Variants in GPC5 observed in about 807,000 individuals in gnomAD.
GPC5 encodes glypican-5.
A neutral mutation model predicts 53.9 loss-of-function variants in GPC5; 47 were observed. The observed-to-expected ratio is 0.87, with a 90% CI of 0.69 to 1.11. The LOEUF (loss-of-function observed/expected upper bound fraction) is 1.11. Among genes scored for constraint, GPC5 ranks in the 50% most tolerant of loss-of-function variants. GPC5 has a pLI of 0.00. For synonymous variants in GPC5, 286 were observed against 263.3 expected, an observed-to-expected ratio of 1.09 and a Z score of -0.84; for missense variants, 748 against 713.1, an observed-to-expected ratio of 1.05 and a Z score of -0.56.
intron 7 of GPC5, among the ~76,000 whole-genome samples, chr13:92,205,640 T>A (rs1323819408): frequency 6.6e-6 from 1 of 152,190 alleles, no homozygotes. Context: ...AACATCACAT[T>A]TGTCTAGACA....
intron 7 of GPC5, among the ~76,000 whole-genome samples, chr13:92,389,031 A>C (rs150838437): frequency 6.6e-6 from 1 of 152,242 alleles, no homozygotes; most frequent in Non-Finnish European, 1.5e-5. Flanking sequence ...GATGGAAAGC[A>C]GCCAGACACT....
rs866978597 is a variant in GPC5, at chr13:91,704,937, A to T, written c.1020+11056A>T. 3.0e-4 allele frequency among the ~76,000 whole-genome samples: 46 copies of T among 152,286 alleles called. 1 individual carries two copies. Among genetic ancestry groups the T allele is most frequent in the Middle Eastern group, 3.4e-3 (1 of 294 alleles). ...CCACTGATCCTCTTTCTCTTTAATA[A>T]AACTTTGCATTATTTGACCTTGGAG... is the stretch of plus-strand genomic sequence containing the variant. On this transcript the variant is annotated intron_variant, in intron 3 of 7. Coordinates refer to ENST00000377067, the MANE Select transcript of GPC5 (RefSeq NM_004466.6).
At chr13:91,776,620 A>T (rs2037715195) in intron 5 of GPC5, among the ~76,000 whole-genome samples, 1 of 152,164 alleles carries the variant, frequency 6.6e-6, no homozygotes. Flanking sequence ...CAGAGCAAAA[A>T]CTGGAAATCT....
At chr13:92,605,029 T>C (rs1399776638) in intron 7 of GPC5, among the ~76,000 whole-genome samples, 1 of 152,196 alleles carries the variant, frequency 6.6e-6, no homozygotes, top group Non-Finnish European at 1.5e-5. Context: ...CCATTACATC[T>C]CCCAGACGAA....
At chr13:92,301,173 T>C (rs969403262) in intron 7 of GPC5, among the ~76,000 whole-genome samples, 6 of 152,220 alleles carry the variant, frequency 3.9e-5, no homozygotes, top group African/African-American at 1.4e-4. Flanking sequence ...ATATAGGTTC[T>C]TTTATAGATA....
intron 5 of GPC5, among the ~76,000 whole-genome samples, chr13:91,832,728 G>C (rs2038676651): frequency 6.6e-6 from 1 of 152,086 alleles, no homozygotes; most frequent in Non-Finnish European, 1.5e-5. Flanking sequence ...GAATCTCTGG[G>C]ACACATTTGG....
chr13:91,860,278 A>T (rs546346698), intron 5 of GPC5, among the ~76,000 whole-genome samples: 175 of 152,174 alleles, frequency 1.1e-3, no homozygotes, highest in Admixed American at 2.1e-3. Flanking sequence ...CTTCTATAAG[A>T]TCAAAATATT....
rs115456270 is a variant in GPC5, at chr13:92,583,410, A to G, written c.1562-282872A>G. Among the ~76,000 whole-genome samples the G allele has an allele frequency of 4.2e-3, 636 of 152,360 alleles. 7 individuals carry two copies. Among genetic ancestry groups the G allele is most frequent in the African/African-American group, 0.015 (616 of 41,590 alleles). ...TTCCTACTCTGTCAGTCAGTTTACC[A>G]TCAGAAAGCAGCTATCACAAACAAA... On this transcript the variant is annotated intron_variant, in intron 7 of 7. Transcript: ENST00000377067.
chr13:91,626,797 C>A (rs1421272275), intron 2 of GPC5, among the ~76,000 whole-genome samples: 3 of 151,966 alleles, frequency 2.0e-5, no homozygotes, highest in African/African-American at 7.2e-5. Context: ...TTAGGTATAT[C>A]TCCTAATGCT....
chr13:92,250,091 T>G (rs1340588209), intron 7 of GPC5, among the ~76,000 whole-genome samples: 1 of 152,086 alleles, frequency 6.6e-6, no homozygotes, highest in Admixed American at 6.6e-5. Context: ...CAACTAGTAA[T>G]CAGATTATGA....
intron 6 of GPC5, among the ~76,000 whole-genome samples, chr13:92,091,510 T>C (rs1489249946): frequency 6.6e-6 from 1 of 152,044 alleles, no homozygotes; most frequent in Non-Finnish European, 1.5e-5. Context: ...GCATTTATTA[T>C]ACCATTTTAA....
At chr13:92,328,830 A>T (rs898191878) in intron 7 of GPC5, among the ~76,000 whole-genome samples, 1 of 152,102 alleles carries the variant, frequency 6.6e-6, no homozygotes, top group African/African-American at 2.4e-5. Context: ...GTTTGGGGCT[A>T]GTTGTTTTCA....
chr13:91,717,918 T>C (rs1326647369), intron 3 of GPC5, among the ~76,000 whole-genome samples: 2 of 152,112 alleles, frequency 1.3e-5, no homozygotes, highest in African/African-American at 4.8e-5. Flanking sequence ...ATTTTCAGCT[T>C]TGGAAGAGTA....
chr13:91,493,716 C>A (rs1884068255), intron 2 of GPC5, among the ~76,000 whole-genome samples: 1 of 152,146 alleles, frequency 6.6e-6, no homozygotes, highest in South Asian at 2.1e-4. Context: ...TCGCTTCATT[C>A]CTTATTCTCT....
chr13:91,872,052 C>T (rs192748114), intron 5 of GPC5, among the ~76,000 whole-genome samples: 58 of 152,030 alleles, frequency 3.8e-4, no homozygotes, highest in Admixed American at 1.2e-3. Flanking sequence ...AGCAGAGAGA[C>T]TGCCAAGGTG....
chr13:91,963,735 G>C (rs1278722962), intron 6 of GPC5, among the ~76,000 whole-genome samples: 1 of 152,088 alleles, frequency 6.6e-6, no homozygotes, highest in Non-Finnish European at 1.5e-5. Flanking sequence ...TATAAGAATA[G>C]GGATAAATAA....
intron 6 of GPC5, among the ~76,000 whole-genome samples, chr13:91,937,840 G>A (rs117360758): frequency 2.2e-4 from 33 of 152,140 alleles, no homozygotes; most frequent in South Asian, 4.1e-4. Context: ...CTAGAGAGGC[G>A]CAGAAGTCTA....
chr13:92,656,174 A>C (rs1243279868), intron 7 of GPC5, among the ~76,000 whole-genome samples: 1 of 152,242 alleles, frequency 6.6e-6, no homozygotes, highest in Admixed American at 6.5e-5. Flanking sequence ...TTTAGAAAAC[A>C]GCACAGGGCA....
rs555582384 is a variant in GPC5, at chr13:92,647,339, T to C, written c.1562-218943T>C. The stretch of plus-strand genomic sequence containing the variant: ...CAAATGTTGAATTTTATCAAGTGCA[T>C]TTCTGCATGTATTGAGATCCTCCAG... On this transcript the variant is annotated intron_variant, in intron 7 of 7. Transcript: ENST00000377067. Among the ~76,000 whole-genome samples, 152 of 152,310 alleles carry C rather than the reference T, an allele frequency of 1.0e-3. 1 individual carries two copies. The Middle Eastern group carries it at 0.01, about 10-fold the overall frequency.
Sources: allele counts gnomAD v4.1 joint callset (sites outside exome capture counted in the v4.1 genomes callset), GRCh38; gene constraint gnomAD v4.1.1; transcripts MANE v1.5; gene names NCBI Gene and HGNC (gene_info 2026-07-23, HGNC 2026-07-21).